RAP1GAP: variants seen among roughly 807,000 people sequenced by gnomAD.
RAP1GAP encodes rap1 GTPase-activating protein 1.
In RAP1GAP, 35 loss-of-function variants were observed where a neutral mutation model predicts 87.2. The ratio of observed to expected loss-of-function variants is 0.40; its 90% CI spans 0.31 to 0.53. The LOEUF is 0.53. Ranked by LOEUF, RAP1GAP falls within the 20% of genes least tolerant of loss-of-function variation. The pLI, the probability that RAP1GAP is intolerant of heterozygous loss-of-function variation, is 0.48. For synonymous variants in RAP1GAP, 375 were observed against 363.9 expected, an observed-to-expected ratio of 1.03 and a Z score of -0.35; for missense variants, 734 against 898.9, an observed-to-expected ratio of 0.82 and a Z score of 2.35.
intron 3 of RAP1GAP, 26 bp from the exon 4 acceptor site, chr1:21,620,076 G>A (rs1558724513): frequency 1.2e-6 from 2 of 1,612,844 alleles, no homozygotes; most frequent in Non-Finnish European, 1.7e-6. Context: ...GGGAGAGCGA[G>A]GTCAGCTGAT....
intron 1 of RAP1GAP, among the ~76,000 whole-genome samples, chr1:21,661,390 A>G (rs2097150509): frequency 6.6e-6 from 1 of 152,176 alleles, no homozygotes; most frequent in Non-Finnish European, 1.5e-5. Flanking sequence ...TGTTTTAGTG[A>G]GCACTCCATA....
rs148100835 is a variant in RAP1GAP, at chr1:21,634,765, C to T, written c.-112-8368G>A. On this transcript the variant is annotated intron_variant, in intron 2 of 24. Coordinates refer to ENST00000374765, the MANE Select transcript of RAP1GAP (RefSeq NM_002885.4). The surrounding 1 kb of genome is among the most constrained non-coding windows in gnomAD (Gnocchi z 4.1). ...GGGAACCAGGCCACCCATTTACCTG[C>T]TGTCTATCCAGCATCTGTCTCCCTT... is the stretch of plus-strand genomic sequence containing the variant. The T allele has an allele frequency of 1.4e-4, 68 of 478,412 alleles. No homozygotes were observed. In the East Asian group the frequency reaches 4.2e-3, roughly 29 times the overall value. The allele number at this position is 478,412 out of a possible 1,614,324, so 29.6% of individuals were successfully genotyped here.
chr1:21,603,122 C>A lies in RAP1GAP; in HGVS notation c.1429-209G>T, dbSNP rs1224773114. 1.8e-6 allele frequency: 1 copy of A among 559,156 alleles called. No homozygotes were observed. The allele number at this position is 559,156 out of a possible 1,614,324, so 34.6% of individuals were successfully genotyped here. On this transcript the variant is annotated intron_variant, in intron 18 of 24. Coordinates refer to ENST00000374765, the MANE Select transcript of RAP1GAP (RefSeq NM_002885.4). The surrounding 1 kb of genome is among the most constrained non-coding windows in gnomAD (Gnocchi z 6.0). ...AGGGCAAGGGGCTCTCCCGAGCTCA[C>A]ACGGCAGGACTGCACGTCAATACTG...
chr1:21,608,135 C>G, intron 17 of RAP1GAP, 78 bp downstream of exon 17: 1 of 1,555,658 alleles, frequency 6.4e-7, no homozygotes, highest in Non-Finnish European at 8.7e-7. Context: ...CCGTGTCCAT[C>G]AGTCTATCAG....
In RAP1GAP at chr1:21,598,052, G is replaced by A. The variant is rs199517077; in HGVS notation, c.1892C>T (p.Ser631Leu). Residue 631 changes from serine to leucine, a missense_variant, in exon 23 of 25, where the codon TCA (serine) becomes TTA (leucine). Ser to Leu is a moderately radical substitution (Grantham distance 145, BLOSUM62 -2). Transcript: ENST00000374765. ...SGGSSPGPSR[S>L]PHPDAGKLGD... ...CAACTTGCCGGCGTCTGGGTGGGGT[G>A]ATCGAGAGGGGCCTGGGGAGGGGGG... 6.0e-4 allele frequency: 930 copies of A among 1,543,658 alleles called. No individual in the cohort carries two copies. The highest frequency in any genetic ancestry group is 1.2e-3 in the Admixed American group (63 of 53,360).
At chr1:21,651,749 C>A in intron 1 of RAP1GAP, 1 of 1,460,212 alleles carries the variant, frequency 6.8e-7, no homozygotes. Context: ...CGCGCGCACG[C>A]GCCCCGCCCC....
chr1:21,614,974 T>C (rs1057212897), intron 7 of RAP1GAP, among the ~76,000 whole-genome samples: 2 of 152,200 alleles, frequency 1.3e-5, no homozygotes, highest in African/African-American at 4.8e-5. Flanking sequence ...GACCAGTGAA[T>C]GTGCCCCACG....
chr1:21,598,063 G>A lies in RAP1GAP; in HGVS notation c.1881C>T (p.Gly627=), dbSNP rs551088277. The part of the protein sequence containing the change: ...VSTTSGGSSP[G]PSRSPHPDAG... ...CGTCTGGGTGGGGTGATCGAGAGGG[G>A]CCTGGGGAGGGGGGCAGGAGGGAGC... is the stretch of plus-strand genomic sequence containing the variant. The change falls in exon 23 of 25, where the codon GGC becomes GGT. Residue 627 remains glycine (G), a splice_region_variant and synonymous_variant. Transcript: ENST00000374765. 5.9e-6 allele frequency: 9 copies of A among 1,521,612 alleles called. No homozygotes were observed. Among genetic ancestry groups the A allele is most frequent in the East Asian group, 4.7e-5 (2 of 42,648 alleles). 94.3% of individuals were successfully genotyped at this position (1,521,612 alleles called of 1,614,324 possible).
chr1:21,599,660 C>G (rs2066567420), intron 20 of RAP1GAP, 43 bp from the exon 21 acceptor site: 2 of 1,578,324 alleles, frequency 1.3e-6, no homozygotes, highest in Non-Finnish European at 8.6e-7. Flanking sequence ...CACCCCGAGC[C>G]CCTCCTGGGC....
chr1:21,621,390 G>A (rs1335282157), intron 3 of RAP1GAP, among the ~76,000 whole-genome samples: 2 of 152,196 alleles, frequency 1.3e-5, no homozygotes, highest in Non-Finnish European at 2.9e-5. Flanking sequence ...TGAGGGCCAC[G>A]GTCTAAACCT....
Position 21,669,263 on chromosome 1 carries a change from T to G in RAP1GAP, c.-158A>C. The G allele has an allele frequency of 1.6e-6, 2 of 1,238,746 alleles. No homozygotes were observed. Among genetic ancestry groups the G allele is most frequent in the Non-Finnish European group, 2.1e-6 (2 of 968,126 alleles). The allele number at this position is 1,238,746 out of a possible 1,614,324, so 76.7% of individuals were successfully genotyped here. ...GGCGGGGCGCACTCACCCAAGGGCCTGGGCCGGGGGCGTCCTGGGCTCGGC... is the reference window on the plus strand; with the variant it reads ...GGCGGGGCGCACTCACCCAAGGGCCGGGGCCGGGGGCGTCCTGGGCTCGGC... On this transcript the variant is annotated 5_prime_UTR_variant, in exon 1 of 25. Coordinates refer to ENST00000374765, the MANE Select transcript of RAP1GAP (RefSeq NM_002885.4). The surrounding 1 kb of genome is among the most constrained non-coding windows in gnomAD (Gnocchi z 5.6).
intron 1 of RAP1GAP, among the ~76,000 whole-genome samples, chr1:21,655,162 G>GA (rs2096811435): frequency 6.6e-6 from 1 of 150,392 alleles, no homozygotes; most frequent in African/African-American, 2.4e-5. Context: ...AAGAAGAAAA[G>GA]AAAAAAAATT....
intron 2 of RAP1GAP, among the ~76,000 whole-genome samples, 185 bp from the exon 3 acceptor site, chr1:21,626,582 C>T (rs947234565): frequency 1.3e-5 from 2 of 152,172 alleles, no homozygotes; most frequent in African/African-American, 4.8e-5. Context: ...CAGGCTTCTC[C>T]TTCCCCGGAG....
At position 21,612,178 on chromosome 1, in the gene RAP1GAP, G is replaced by A. The variant is rs546261007; in HGVS notation, c.529-69C>T. The A allele has an allele frequency of 2.9e-5, 37 of 1,262,146 alleles. 1 individual carries two copies. In the South Asian group the frequency reaches 4.8e-4, roughly 16 times the overall value. 78.2% of individuals were successfully genotyped at this position (1,262,146 alleles called of 1,614,324 possible). On this transcript the variant is annotated intron_variant, in intron 10 of 24. Transcript: ENST00000374765. ...GCCATTCGACGTGCTCTTCCCCCGT[G>A]CCAAGCACTGAGCCAGGCGCTCTAC...
intron 13 of RAP1GAP, 92 bp from the exon 14 acceptor site, chr1:21,610,367 G>A: frequency 7.4e-7 from 1 of 1,343,106 alleles, no homozygotes; most frequent in Non-Finnish European, 1.0e-6. Flanking sequence ...GTTTGGGGTA[G>A]TCAGAGGGCA....
In RAP1GAP at chr1:21,609,148, C is replaced by T. The variant is rs921029009; in HGVS notation, c.1072-212G>A. On this transcript the variant is annotated intron_variant, in intron 15 of 24. Coordinates refer to ENST00000374765, the MANE Select transcript of RAP1GAP (RefSeq NM_002885.4). This position sits in a 1 kb window ranked among gnomAD's most constrained non-coding sequence, Gnocchi z 4.4. ...CCAGTGCCCTTCATGGCTGCCCACGCCTTCGGGAGAGCAAACTCCACAGAT... is the reference window on the plus strand; with the variant it reads ...CCAGTGCCCTTCATGGCTGCCCACGTCTTCGGGAGAGCAAACTCCACAGAT... 6.6e-6 allele frequency among the ~76,000 whole-genome samples: 1 copy of T among 152,164 alleles called. No homozygotes were observed. Among genetic ancestry groups the T allele is most frequent in the Non-Finnish European group, 1.5e-5 (1 of 68,032 alleles).
chr1:21,660,353 T>TATATATATATATATAGAGAGAGA, intron 1 of RAP1GAP, among the ~76,000 whole-genome samples: 2 of 26,836 alleles, frequency 7.5e-5, no homozygotes, highest in East Asian at 2.3e-3. Context: ...ATATATTTAT[T>TATATATATATATATAGAGAGAGA]GAGACAGTCT....
At chr1:21,597,663 C>G in intron 24 of RAP1GAP, 23 bp downstream of exon 24, 1 of 1,573,720 alleles carries the variant, frequency 6.4e-7, no homozygotes, top group Non-Finnish European at 8.7e-7. Context: ...CCACCAAACA[C>G]AAGCTGAGGG....
At position 21,608,303 on chromosome 1, in the gene RAP1GAP, G is replaced by T. The variant is rs1199711109; in HGVS notation, c.1206C>A (p.His402Gln). The change falls in exon 17 of 25, where the codon CAC becomes CAA. Residue 402 changes from histidine (H) to glutamine (Q), a missense_variant. Coordinates refer to ENST00000374765, the MANE Select transcript of RAP1GAP (RefSeq NM_002885.4). ...ALLETLYEEL[H>Q]IHSQSMMGLG... ...AGCCCATCATGGACTGGCTGTGGAT[G>T]TGTAGTTCCTCATAGAGCGTCTCCA... The T allele has an allele frequency of 6.2e-7, 1 of 1,613,890 alleles. No individual in the cohort carries two copies. Among genetic ancestry groups the T allele is most frequent in the Non-Finnish European group, 8.5e-7 (1 of 1,179,984 alleles).
Sources: gnomAD v4.1 joint callset for allele counts (sites outside exome capture counted in the v4.1 genomes callset) on GRCh38, gnomAD v4.1.1 for gene constraint, Gnocchi (gnomAD v3.1) non-coding constraint, MANE v1.5 for transcripts, NCBI Gene and HGNC (gene_info 2026-07-23, HGNC 2026-07-21) for gene names.